The following ANKLE2 variants were observed in gnomAD, a reference collection of about 807,000 sequenced individuals.
The protein encoded by ANKLE2 is ankyrin repeat and LEM domain-containing protein 2.
ANKLE2 carries 55 observed loss-of-function variants against 84.2 expected under a neutral mutation model. The ratio of observed to expected loss-of-function variants is 0.65; its 90% CI spans 0.53 to 0.82. ANKLE2 has a LOEUF of 0.82. Ranked by LOEUF, ANKLE2 falls within the 40% of genes least tolerant of loss-of-function variation. The pLI, the probability that ANKLE2 is intolerant of heterozygous loss-of-function variation, is 0.00. For missense variants in ANKLE2, 1,238 were observed against 1,201.9 expected (o/e 1.03, Z -0.44); for synonymous variants, 551 against 486.1 (o/e 1.13, Z -1.76).
At position 132,754,647 on chromosome 12, in the gene ANKLE2, G is replaced by A. The variant is rs111699942; in HGVS notation, c.640+28C>T. 2.9e-4 allele frequency: 451 copies of A among 1,567,818 alleles called. 2 individuals carry two copies. In the Middle Eastern group the frequency reaches 4.3e-3, roughly 15 times the overall value. Reference sequence around the variant, plus strand: ...CCCTCCGCGTATGTGCTATCTGTGTGAGGAAATCCTACACACGGTCCCATT... The same window carrying A: ...CCCTCCGCGTATGTGCTATCTGTGTAAGGAAATCCTACACACGGTCCCATT... On this transcript the variant is annotated intron_variant, in intron 2 of 12. Transcript: ENST00000357997.
At chr12:132,728,186 C>A in intron 11 of ANKLE2, 23 bp from the exon 12 acceptor site, 1 of 1,600,372 alleles carries the variant, frequency 6.2e-7, no homozygotes, top group South Asian at 1.1e-5. Flanking sequence ...ATAAAAGAAG[C>A]AAAAACATCT....
chr12:132,736,652 G>A lies in ANKLE2; in HGVS notation c.1593+241C>T, dbSNP rs994826106. 5.3e-5 allele frequency among the ~76,000 whole-genome samples: 8 copies of A among 152,332 alleles called. No individual in the cohort carries two copies. The South Asian group carries it at 1.0e-3, about 20-fold the overall frequency. ...GGCTGGCCCAGGGAATGTCTGCTTT[G>A]TTGAGACAGTGGCTCCCAGCACATC... On this transcript the variant is annotated intron_variant, in intron 8 of 12. Coordinates refer to ENST00000357997, the MANE Select transcript of ANKLE2 (RefSeq NM_015114.3).
Position 132,727,302 on chromosome 12 carries a change from G to C in ANKLE2, c.2757C>G (p.Ser919Arg). ...TGCGGAGCTGGCTCCCGTGCACGGGGCTGTAGCGCCCAGGACTGCCCAGGC... is the reference window on the plus strand; with the variant it reads ...TGCGGAGCTGGCTCCCGTGCACGGGCCTGTAGCGCCCAGGACTGCCCAGGC... ...KPGLGSPGRY[S>R]PVHGSQLRRM... Residue 919 changes from serine to arginine, a missense_variant, in exon 13 of 13, where the codon AGC becomes AGG. Physicochemically the swap from Ser to Arg is moderately radical, Grantham distance 110 (BLOSUM62 -1). Transcript: ENST00000357997. 1 of 1,565,504 alleles carries C rather than the reference G, an allele frequency of 6.4e-7. No individual in the cohort carries two copies. The highest frequency in any genetic ancestry group is 8.7e-7 in the Non-Finnish European group (1 of 1,155,726).
Position 132,751,106 on chromosome 12 carries a change from C to T in ANKLE2, c.641-257G>A, listed in dbSNP as rs1332806149. ...TAATTCTATATGCCAAGATTCTATC[C>T]TAAAAACTAAATTTCATATAAAGAT... is the stretch of plus-strand genomic sequence containing the variant. On this transcript the variant is annotated intron_variant, in intron 2 of 12. Transcript: ENST00000357997. The T allele has an allele frequency of 9.3e-6, 3 of 323,044 alleles. No homozygotes were observed. In the Admixed American group the frequency reaches 1.4e-4, roughly 15 times the overall value. The allele number at this position is 323,044 out of a possible 1,614,324, so 20.0% of individuals were successfully genotyped here. A position where few individuals can be genotyped will look rare whatever the true frequency, so the allele number is the denominator to read the frequency against.
chr12:132,730,288 A>C lies in ANKLE2; in HGVS notation c.1892-18T>G. On this transcript the variant is annotated intron_variant, in intron 10 of 12. Coordinates refer to ENST00000357997, the MANE Select transcript of ANKLE2 (RefSeq NM_015114.3). ...ATTGCTGCCTGTGAGGACAACAAGG[A>C]GCACTTCAGTGATGGGAACGACAGG... 2 of 1,539,196 alleles carry C rather than the reference A, an allele frequency of 1.3e-6. No homozygotes were observed. Among genetic ancestry groups the C allele is most frequent in the Non-Finnish European group, 1.8e-6 (2 of 1,142,592 alleles).
chr12:132,754,871 C>G lies in ANKLE2; in HGVS notation c.444G>C (p.Gln148His), dbSNP rs546278482. Reference protein sequence around the residue: ...LKPAEGNPTDQAGFSEDRDFG... With the variant: ...LKPAEGNPTDHAGFSEDRDFG... ...AATCTCTGTCTTCAGAAAAACCAGC[C>G]TGATCAGTTGGGTTCCCTTCAGCTG... Residue 148 changes from glutamine to histidine, a missense_variant, in exon 2 of 13, where the codon CAG becomes CAC. This residue lies in a region of ANKLE2 where 422 missense variants were observed against 394.5 expected (regional missense o/e 1.07). Coordinates refer to ENST00000357997, the MANE Select transcript of ANKLE2 (RefSeq NM_015114.3). 2 of 1,614,198 alleles carry G rather than the reference C, an allele frequency of 1.2e-6. No individual in the cohort carries two copies. The highest frequency in any genetic ancestry group is 1.7e-6 in the Non-Finnish European group (2 of 1,180,036).
chr12:132,732,862 G>A (rs1391612424), intron 10 of ANKLE2, among the ~76,000 whole-genome samples: 12 of 135,802 alleles, frequency 8.8e-5, no homozygotes, highest in East Asian at 2.2e-4. Context: ...GATATGCACC[G>A]TGTGAAGCGC....
Position 132,747,885 on chromosome 12 carries a change from G to A in ANKLE2, c.1177C>T (p.Gln393Ter). 1 of 1,611,450 alleles carries A rather than the reference G, an allele frequency of 6.2e-7. No individual in the cohort carries two copies. The highest frequency in any genetic ancestry group is 8.5e-7 in the Non-Finnish European group (1 of 1,179,398). Residue 393 changes from glutamine (Q) to a stop codon, truncating the protein, a stop_gained, in exon 5 of 13, where the codon CAG (glutamine) becomes TAG (stop). Transcript: ENST00000357997. LOFTEE classifies it high-confidence loss of function. Reference protein sequence around the residue: ...MYPDDDEAMLQKRIRYVVDLY... With the variant: ...MYPDDDEAML ...TCCACCACGTAACGGATACGCTTCT[G>A]CAGCATGGCCTCGTCGTCATCAGGG... is the stretch of plus-strand genomic sequence containing the variant.
rs566795276 is a variant in ANKLE2, at chr12:132,733,915, A to G, written c.1891+470T>C. ...TTAGATTTTGGATAATGCAAACACA[A>G]GCAGAAACAGCAATACTGCTCAAAG... is the stretch of plus-strand genomic sequence containing the variant. On this transcript the variant is annotated intron_variant, in intron 10 of 12. Transcript: ENST00000357997. 16 of 454,618 alleles carry G rather than the reference A, an allele frequency of 3.5e-5. No homozygotes were observed. In the East Asian group the frequency reaches 9.0e-4, roughly 26 times the overall value. The allele number at this position is 454,618 out of a possible 1,614,324, so 28.2% of individuals were successfully genotyped here.
rs760748617 is a variant in ANKLE2, at chr12:132,728,100, G to A, written c.2547C>T (p.Pro849=). 6.2e-7 allele frequency: 1 copy of A among 1,613,016 alleles called. No individual in the cohort carries two copies. The highest frequency in any genetic ancestry group is 8.5e-7 in the Non-Finnish European group (1 of 1,179,958). Residue 849 remains proline, a synonymous_variant, in exon 12 of 13, where the codon CCC becomes CCT. Transcript: ENST00000357997. ...ATCTGTGCACGGCCGGGAACTGATGGGGGTCGACGTCTGCACATTCAAGAG... is the reference window on the plus strand; with the variant it reads ...ATCTGTGCACGGCCGGGAACTGATGAGGGTCGACGTCTGCACATTCAAGAG... The part of the protein sequence containing the change: ...LAALECADVD[P]HQFPAVHRWK...
intron 10 of ANKLE2, 50 bp from the exon 11 acceptor site, chr12:132,730,320 C>T (rs774697302): frequency 5.3e-5 from 78 of 1,473,942 alleles, no homozygotes; most frequent in Admixed American, 2.8e-4. Flanking sequence ...CAGGAAGCCA[C>T]GGAGCTGCTC....
chr12:132,758,467 G>A (rs574129403), intron 1 of ANKLE2: 1 of 152,106 alleles, frequency 6.6e-6, no homozygotes, highest in Non-Finnish European at 1.5e-5. Flanking sequence ...TTGACAGATC[G>A]ATGGGTAAAG....
intron 2 of ANKLE2, chr12:132,751,269 G>A (rs2044351259): frequency 1.3e-5 from 2 of 156,160 alleles, no homozygotes; most frequent in Non-Finnish European, 2.8e-5. Context: ...TTTGGAGACG[G>A]AGTCTCGCTC....
chr12:132,756,794 A>G (rs1435871020), intron 1 of ANKLE2: 1 of 151,476 alleles, frequency 6.6e-6, no homozygotes, highest in Non-Finnish European at 1.5e-5. Flanking sequence ...AGACAGGCGC[A>G]GTGGCGGGCA....
chr12:132,743,419 A>G lies in ANKLE2; in HGVS notation c.1231-143T>C, dbSNP rs1363972994. The G allele has an allele frequency of 1.8e-6, 2 of 1,094,100 alleles. No homozygotes were observed. Among genetic ancestry groups the G allele is most frequent in the African/African-American group, 1.6e-5 (1 of 61,148 alleles). The allele number at this position is 1,094,100 out of a possible 1,614,324, so 67.8% of individuals were successfully genotyped here. A position where few individuals can be genotyped will look rare whatever the true frequency, so the allele number is the denominator to read the frequency against. Reference sequence around the variant, plus strand: ...CACTGGCGTGATCTTGGCTCACTGCAACCTCTGCCTCCCGGGTTTAACCGA... The same window carrying G: ...CACTGGCGTGATCTTGGCTCACTGCGACCTCTGCCTCCCGGGTTTAACCGA... On this transcript the variant is annotated intron_variant, in intron 5 of 12. Coordinates refer to ENST00000357997, the MANE Select transcript of ANKLE2 (RefSeq NM_015114.3). The surrounding 1 kb of genome is among the most constrained non-coding windows in gnomAD (Gnocchi z 4.1).
chr12:132,731,544 T>C (rs1188019419), intron 10 of ANKLE2: 2 of 116,290 alleles, frequency 1.7e-5, no homozygotes, highest in African/African-American at 6.3e-5. Flanking sequence ...ACACACACAG[T>C]TTAAACTGTA....
chr12:132,729,124 A>T (rs750236820), intron 11 of ANKLE2, among the ~76,000 whole-genome samples: 5 of 151,570 alleles, frequency 3.3e-5, no homozygotes, highest in Non-Finnish European at 7.4e-5. Flanking sequence ...AGGCCGAGGC[A>T]GGTGGATCAC....
At chr12:132,734,169 C>G (rs946361427) in intron 10 of ANKLE2, 1 of 594,608 alleles carries the variant, frequency 1.7e-6, no homozygotes, top group Non-Finnish European at 3.0e-6. Context: ...CGCTTGAACC[C>G]AGGAGGTGGA....
intron 5 of ANKLE2, among the ~76,000 whole-genome samples, chr12:132,746,971 G>A (rs1157232721): frequency 6.6e-6 from 1 of 152,190 alleles, no homozygotes; most frequent in Non-Finnish European, 1.5e-5. Context: ...CTAAGAGAAG[G>A]AAAAGCCTGT....
Sources: allele counts gnomAD v4.1 joint callset (sites outside exome capture counted in the v4.1 genomes callset), GRCh38; gene constraint gnomAD v4.1.1; regional missense constraint gnomAD v4.1.1; non-coding constraint Gnocchi (gnomAD v3.1); transcripts MANE v1.5; gene names NCBI Gene and HGNC (gene_info 2026-07-23, HGNC 2026-07-21).